INSRR: variants seen among roughly 807,000 people sequenced by gnomAD.
INSRR encodes the protein insulin receptor-related protein.
INSRR carries 114 observed loss-of-function variants against 130.0 expected under a neutral mutation model. That is an observed-to-expected ratio of 0.88 (90% CI 0.75 to 1.02). The LOEUF (loss-of-function observed/expected upper bound fraction) is 1.02, where lower values mean the gene tolerates loss of function less well. Ranked by LOEUF, INSRR falls within the 50% of genes least tolerant of loss-of-function variation. The pLI is 0.00. For missense variants in INSRR, 1,657 were observed against 1,735.2 expected, an observed-to-expected ratio of 0.95 and a Z score of 0.80; for synonymous variants, 674 against 705.2, an observed-to-expected ratio of 0.96 and a Z score of 0.70.
rs373063513 is a variant in INSRR at position 156,842,506 on chromosome 1, C to T, written c.3129G>A (p.Val1043=). The change falls in exon 18 of 22, where the codon GTG becomes GTA. Residue 1043 remains valine (V), a splice_region_variant and synonymous_variant. Coordinates refer to ENST00000368195, the MANE Select transcript of INSRR (RefSeq NM_014215.3). ...VMKAFKCHHV[V]RLLGVVSQGQ... ...CCTGAGATACCACACCCAGGAGACG[C>T]ACCTGGGACAGACAAAGGGCCTAGC... 6 of 1,613,402 alleles carry T rather than the reference C, an allele frequency of 3.7e-6. No homozygotes were observed. Among genetic ancestry groups the T allele is most frequent in the Non-Finnish European group, 5.1e-6 (6 of 1,179,368 alleles).
chr1:156,847,964 C>T (rs1655068979), intron 7 of INSRR, among the ~76,000 whole-genome samples: 1 of 152,132 alleles, frequency 6.6e-6, no homozygotes, highest in Non-Finnish European at 1.5e-5. Flanking sequence ...GCCAGGGCTC[C>T]TTAGAGTGCA....
At chr1:156,847,499 G>A (rs1210705100) in intron 7 of INSRR, among the ~76,000 whole-genome samples, 1 of 152,190 alleles carries the variant, frequency 6.6e-6, no homozygotes, top group Non-Finnish European at 1.5e-5. Context: ...TCACATTGAT[G>A]TTCATGATAA....
Position 156,850,534 on chromosome 1 carries a change from CTTTTTTTTTTTTTTTTTT to C in INSRR, c.1229+738_1229+755del, listed in dbSNP as rs35237064. On this transcript the variant is annotated intron_variant, in intron 5 of 21. Transcript: ENST00000368195. ...GACCTGGATGGTAATTTAAAACATTCTTTTTTTTTTTTTTTTTTTTTTTTTTTTTTTGAGATGGAGTCC... is the reference window on the plus strand; with the variant it reads ...GACCTGGATGGTAATTTAAAACATTCTTTTTTTTTTTTTGAGATGGAGTCC... 1.2e-4 allele frequency among the ~76,000 whole-genome samples: 7 copies of C among 58,618 alleles called. No homozygotes were observed. The Admixed American group carries it at 1.3e-3, about 11-fold the overall frequency. The allele number at this position is 58,618 out of a possible 152,430, so 38.5% of individuals were successfully genotyped here.
intron 7 of INSRR, among the ~76,000 whole-genome samples, chr1:156,847,778 T>C (rs1481214548): frequency 1.3e-5 from 2 of 151,968 alleles, no homozygotes; most frequent in Non-Finnish European, 2.9e-5. Context: ...GGATCTGCAG[T>C]GTGTGTCTCT....
chr1:156,841,588 G>A, intron 20 of INSRR, 60 bp from the exon 21 acceptor site: 6 of 1,610,640 alleles, frequency 3.7e-6, no homozygotes, highest in South Asian at 2.2e-5. Flanking sequence ...TGCATTCCAA[G>A]GGATGGGGGT....
At position 156,851,747 on chromosome 1, in the gene INSRR, C is replaced by T; in HGVS notation, c.983G>A (p.Cys328Tyr). ...GTCGATGGTCTTGGTGCCTACCTTG[C>T]ACTCTTTAGGGCACAGCCCCTCGCA... The part of the protein sequence containing the change: ...HKCEGLCPKE[C>Y]KVGTKTIDSI... Residue 328 changes from cysteine (C) to tyrosine (Y), a missense_variant, in exon 4 of 22, where the codon TGC (cysteine) becomes TAC (tyrosine). Physicochemically the swap from Cys to Tyr is radical, Grantham distance 194. Transcript: ENST00000368195. The T allele has an allele frequency of 6.2e-7, 1 of 1,614,136 alleles. No individual in the cohort carries two copies.
At position 156,844,602 on chromosome 1, in the gene INSRR, G is replaced by T. The variant is rs760531063; in HGVS notation, c.2597C>A (p.Ser866Tyr). ...LGEEATVLCVSRLRYAKFGGV... is the reference protein window; with the variant it reads ...LGEEATVLCVYRLRYAKFGGV... Reference sequence around the variant, plus strand: ...CCCAAACTTCGCATATCGAAGACGGGACACACACAGCACTGTGGCCTCCTG... The same window carrying T: ...CCCAAACTTCGCATATCGAAGACGGTACACACACAGCACTGTGGCCTCCTG... The change falls in exon 14 of 22, where the codon TCC becomes TAC. Residue 866 changes from serine to tyrosine, a missense_variant. Coordinates refer to ENST00000368195, the MANE Select transcript of INSRR (RefSeq NM_014215.3). The T allele has an allele frequency of 6.8e-6, 11 of 1,614,042 alleles. No homozygotes were observed. The Admixed American group carries it at 8.3e-5, about 12-fold the overall frequency.
At chr1:156,855,212 T>TATC (rs60194471) in intron 1 of INSRR, among the ~76,000 whole-genome samples, 767 of 28,552 alleles carry the variant, frequency 0.027, 9 homozygotes, top group African/African-American at 0.063. Context: ...ATCTATCTAT[T>TATC]TATTTATTTG....
At chr1:156,851,136 G>A (rs1179435669) in intron 5 of INSRR, 154 bp downstream of exon 5, 3 of 792,712 alleles carry the variant, frequency 3.8e-6, no homozygotes, top group Non-Finnish European at 6.7e-6. Context: ...TTTTACAGAT[G>A]AGAAAACTGA....
At chr1:156,841,213 C>T in intron 21 of INSRR, 109 bp from the exon 22 acceptor site, 3 of 1,013,832 alleles carry the variant, frequency 3.0e-6, no homozygotes, top group Non-Finnish European at 4.5e-6. Flanking sequence ...GGCCATTATG[C>T]CTGGGAGGGT....
intron 8 of INSRR, 37 bp from the exon 9 acceptor site, chr1:156,846,156 G>A: frequency 6.5e-7 from 1 of 1,538,268 alleles, no homozygotes; most frequent in Non-Finnish European, 8.7e-7. Context: ...AGGGGTGTGG[G>A]TCTTCCTCCT....
At position 156,857,569 on chromosome 1, in the gene INSRR, A is replaced by G. The variant is rs534089959; in HGVS notation, c.85+968T>C. Among the ~76,000 whole-genome samples the G allele has an allele frequency of 2.1e-3, 326 of 152,246 alleles. 1 individual carries two copies. Among genetic ancestry groups the G allele is most frequent in the Non-Finnish European group, 4.1e-3 (278 of 68,004 alleles). On this transcript the variant is annotated intron_variant, in intron 1 of 21. Coordinates refer to ENST00000368195, the MANE Select transcript of INSRR (RefSeq NM_014215.3). ...GCTGGCATCTGCTGTGCAGAAGAGG[A>G]GGGGGTTCGGTGGTCGGGGGAGTGG...
At chr1:156,845,851 G>A (rs1174102904) in intron 9 of INSRR, 37 bp from the exon 10 acceptor site, 1 of 1,586,572 alleles carries the variant, frequency 6.3e-7, no homozygotes, top group Admixed American at 1.8e-5. Context: ...TAAGACAGGC[G>A]GTCTACCCGC....
rs775754069 is a variant in INSRR, at chr1:156,841,770, T to C, written c.3422A>G (p.Tyr1141Cys). ...IGDFGMTRDV[Y>C]ETDYYRKGGK... Reference sequence around the variant, plus strand: ...ACCCTTGCGGTAATAGTCTGTCTCATACACGTCCCGAGTCATCCCGAAGTC... The same window carrying C: ...ACCCTTGCGGTAATAGTCTGTCTCACACACGTCCCGAGTCATCCCGAAGTC... Residue 1141 changes from tyrosine (Y) to cysteine (C), a missense_variant, in exon 20 of 22, where the codon TAT becomes TGT. By Grantham distance (194) the Tyr-to-Cys change is radical. Transcript: ENST00000368195. The C allele has an allele frequency of 8.1e-6, 13 of 1,613,970 alleles. No individual in the cohort carries two copies. In the Admixed American group the frequency reaches 2.0e-4, roughly 25 times the overall value.
chr1:156,844,593 C>A lies in INSRR; in HGVS notation c.2606G>T (p.Arg869Leu). 1 of 1,614,158 alleles carries A rather than the reference C, an allele frequency of 6.2e-7. No individual in the cohort carries two copies. Among genetic ancestry groups the A allele is most frequent in the Non-Finnish European group, 8.5e-7 (1 of 1,180,016 alleles). Residue 869 changes from arginine (R) to leucine (L), a missense_variant, in exon 14 of 22, where the codon CGA becomes CTA. Transcript: ENST00000368195. ...GTGGACTCCCCCAAACTTCGCATAT[C>A]GAAGACGGGACACACACAGCACTGT... ...EATVLCVSRL[R>L]YAKFGGVHLA...
intron 21 of INSRR, 92 bp downstream of exon 21, chr1:156,841,302 G>A (rs1654769861): frequency 8.0e-7 from 1 of 1,254,396 alleles, no homozygotes; most frequent in South Asian, 1.2e-5. Context: ...GGATGTCAAA[G>A]CATCAGAGGA....
At position 156,844,242 on chromosome 1, in the gene INSRR, C is replaced by T. The variant is rs377318206; in HGVS notation, c.2776G>A (p.Ala926Thr). 46 of 1,613,700 alleles carry T rather than the reference C, an allele frequency of 2.9e-5. No homozygotes were observed. Among genetic ancestry groups the T allele is most frequent in the Non-Finnish European group, 3.8e-5 (45 of 1,179,908 alleles). The change falls in exon 15 of 22, where the codon GCC becomes ACC. Residue 926 changes from alanine to threonine, a missense_variant. By Grantham distance (58) the Ala-to-Thr change is moderately conservative. Coordinates refer to ENST00000368195, the MANE Select transcript of INSRR (RefSeq NM_014215.3). ...DAGGLHVLLTATPVGLTLLIV... is the reference protein window; with the variant it reads ...DAGGLHVLLTTTPVGLTLLIV... Reference sequence around the variant, plus strand: ...AGCAGCGTGAGCCCCACAGGGGTGGCAGTGAGGAGGACATGCAGCCCCCCA... The same window carrying T: ...AGCAGCGTGAGCCCCACAGGGGTGGTAGTGAGGAGGACATGCAGCCCCCCA...
At chr1:156,849,513 G>GGGGGGGGGGGGGGGGA in intron 5 of INSRR, 53 bp from the exon 6 acceptor site, 1 of 486,122 alleles carries the variant, frequency 2.1e-6, no homozygotes, top group Non-Finnish European at 4.1e-6. Context: ...CAGGGGGTGG[G>GGGGGGGGGGGGGGGGA]AAAGGGGATG....
rs1396688709 is a variant in INSRR, at chr1:156,851,754, T to C, written c.976A>G (p.Lys326Glu). 6.2e-7 allele frequency: 1 copy of C among 1,613,636 alleles called. No homozygotes were observed. Among genetic ancestry groups the C allele is most frequent in the African/African-American group, 1.3e-5 (1 of 74,916 alleles). ...FCHKCEGLCP[K>E]ECKVGTKTID... ...GTCTTGGTGCCTACCTTGCACTCTT[T>C]AGGGCACAGCCCCTCGCACTTGTGG... The change falls in exon 4 of 22, where the codon AAA becomes GAA. Residue 326 changes from lysine to glutamate, a missense_variant. Lys to Glu is a moderately conservative substitution (Grantham distance 56). Coordinates refer to ENST00000368195, the MANE Select transcript of INSRR (RefSeq NM_014215.3).
Sources: allele counts gnomAD v4.1 joint callset (sites outside exome capture counted in the v4.1 genomes callset), GRCh38; gene constraint gnomAD v4.1.1; transcripts MANE v1.5; gene names NCBI Gene and HGNC (gene_info 2026-07-23, HGNC 2026-07-21).